PRLR: variants seen among roughly 807,000 people sequenced by gnomAD.
PRLR encodes prolactin receptor.
A neutral mutation model predicts 40.2 loss-of-function variants in PRLR; 13 were observed. The observed-to-expected ratio is 0.32, with a 90% CI of 0.21 to 0.51. The LOEUF (loss-of-function observed/expected upper bound fraction) is 0.51. Among genes scored for constraint, PRLR ranks in the 20% least tolerant of loss-of-function variants. The pLI, the probability that PRLR is intolerant of heterozygous loss-of-function variation, is 0.97. For synonymous variants in PRLR, 269 were observed against 278.7 expected, an observed-to-expected ratio of 0.97 and a Z score of 0.35; for missense variants, 656 against 747.3, an observed-to-expected ratio of 0.88 and a Z score of 1.42.
chr5:35,088,243 G>T (rs1475969130), intron 3 of PRLR, among the ~76,000 whole-genome samples: 1 of 152,180 alleles, frequency 6.6e-6, no homozygotes, highest in Non-Finnish European at 1.5e-5. Flanking sequence ...TGCCAGCCCG[G>T]GTCAGCTCTG....
chr5:35,101,480 G>A (rs1413322661), intron 2 of PRLR, among the ~76,000 whole-genome samples: 2 of 152,122 alleles, frequency 1.3e-5, no homozygotes, highest in African/African-American at 4.8e-5. Flanking sequence ...AGTAGCTGAA[G>A]TGAATAAAAA....
chr5:35,072,879 C>T (rs556350140), intron 5 of PRLR, 135 bp from the exon 6 acceptor site: 24 of 1,025,908 alleles, frequency 2.3e-5, no homozygotes, highest in East Asian at 1.8e-4. Context: ...CCCAAATACC[C>T]GGGCCTTTTG....
At chr5:35,097,420 C>CGAGTTGTCCAAGGTCACACAGCTAGT (rs1266218595) in intron 2 of PRLR, among the ~76,000 whole-genome samples, 2 of 152,068 alleles carry the variant, frequency 1.3e-5, no homozygotes, top group Non-Finnish European at 2.9e-5. Flanking sequence ...AGACGGTCTG[C>CGAGTTGTCCAAGGTCACACAGCTAGT]GAGTTGTCCA....
chr5:35,088,995 C>T (rs1771035042), intron 3 of PRLR, among the ~76,000 whole-genome samples: 1 of 152,166 alleles, frequency 6.6e-6, no homozygotes, highest in African/African-American at 2.4e-5. Context: ...CCCAGAAATG[C>T]ACATGGGTTG....
chr5:35,194,052 G>A (rs967796225), intron 1 of PRLR, among the ~76,000 whole-genome samples: 11 of 152,290 alleles, frequency 7.2e-5, no homozygotes, highest in African/African-American at 2.6e-4. Flanking sequence ...GTGTGTGTCA[G>A]GCAAGCTTGA....
At chr5:35,102,042 G>A (rs1055990847) in intron 2 of PRLR, among the ~76,000 whole-genome samples, 3 of 151,718 alleles carry the variant, frequency 2.0e-5, no homozygotes, top group African/African-American at 4.8e-5. Context: ...GTTGGCCGGG[G>A]TGGTCTCCAT....
At position 35,201,410 on chromosome 5, in the gene PRLR, T is replaced by C. The variant is rs79376621; in HGVS notation, c.-106+28858A>G. Among the ~76,000 whole-genome samples the C allele has an allele frequency of 7.1e-3, 1,075 of 152,338 alleles. 13 individuals are homozygous for C. The highest frequency in any genetic ancestry group is 0.025 in the African/African-American group (1,044 of 41,576). On this transcript the variant is annotated intron_variant, in intron 1 of 9. Transcript: ENST00000618457. The stretch of plus-strand genomic sequence containing the variant: ...AATGATATTTTACCCCTTTGGTAAG[T>C]GTAAAGTAAGAAGACAGCCTTAAGG...
At chr5:35,070,405 C>A in intron 6 of PRLR, 140 bp from the exon 7 acceptor site, 1 of 929,500 alleles carries the variant, frequency 1.1e-6, no homozygotes, top group Non-Finnish European at 1.6e-6. Flanking sequence ...ACTGTCTTAG[C>A]CCTATCTTTT....
At chr5:35,107,635 A>G (rs1306113117) in intron 2 of PRLR, among the ~76,000 whole-genome samples, 3 of 152,244 alleles carry the variant, frequency 2.0e-5, no homozygotes, top group Middle Eastern at 3.2e-3. Flanking sequence ...GAAGAAATGG[A>G]TAAATTCCTG....
intron 1 of PRLR, among the ~76,000 whole-genome samples, chr5:35,144,759 T>C (rs1001034499): frequency 2.6e-5 from 4 of 152,126 alleles, no homozygotes; most frequent in Non-Finnish European, 5.9e-5. Context: ...CCACCGCACC[T>C]GGCCAAATTT....
intron 1 of PRLR, among the ~76,000 whole-genome samples, chr5:35,188,130 A>G (rs1775497455): frequency 6.6e-6 from 1 of 152,178 alleles, no homozygotes; most frequent in Non-Finnish European, 1.5e-5. Flanking sequence ...CAGCTCCGTC[A>G]GGAACTTGCT....
At chr5:35,219,093 AG>A (rs1247589099) in intron 1 of PRLR, among the ~76,000 whole-genome samples, 1 of 152,014 alleles carries the variant, frequency 6.6e-6, no homozygotes, top group Non-Finnish European at 1.5e-5. Flanking sequence ...GCCTTCCTGG[AG>A]GGGGGTTGGA....
At chr5:35,156,135 A>G (rs1241353095) in intron 1 of PRLR, among the ~76,000 whole-genome samples, 1 of 149,868 alleles carries the variant, frequency 6.7e-6, no homozygotes. Flanking sequence ...GATAAAAAAA[A>G]AAAACAAAAA....
intron 1 of PRLR, among the ~76,000 whole-genome samples, chr5:35,166,869 G>A (rs898242475): frequency 1.3e-5 from 2 of 152,070 alleles, no homozygotes; most frequent in East Asian, 1.9e-4. Flanking sequence ...GTAATTATTG[G>A]TATGTCAGCA....
intron 1 of PRLR, among the ~76,000 whole-genome samples, chr5:35,139,008 GA>G (rs963520731): frequency 1.8e-4 from 27 of 152,176 alleles, no homozygotes; most frequent in Non-Finnish European, 2.9e-4. Context: ...AATAAGGAAA[GA>G]AAAAAATACA....
chr5:35,137,549 G>C (rs553012975), intron 1 of PRLR, among the ~76,000 whole-genome samples: 18 of 152,224 alleles, frequency 1.2e-4, no homozygotes, highest in African/African-American at 4.1e-4. Context: ...TCTTCCCATT[G>C]GTTCATATAT....
At chr5:35,111,773 A>G (rs1579674654) in intron 2 of PRLR, among the ~76,000 whole-genome samples, 1 of 152,236 alleles carries the variant, frequency 6.6e-6, no homozygotes, top group South Asian at 2.1e-4. Flanking sequence ...CAGAAAGTAG[A>G]TGTTTTTGAT....
In PRLR at chr5:35,056,897, GAGA is replaced by G. The variant is rs1269416302; in HGVS notation, c.*8189_*8191del. The G allele has an allele frequency of 6.6e-6, 1 of 152,146 alleles. No individual in the cohort carries two copies. The highest frequency in any genetic ancestry group is 1.5e-5 in the Non-Finnish European group (1 of 68,028). 9.4% of individuals were successfully genotyped at this position (152,146 alleles called of 1,614,324 possible). A position where few individuals can be genotyped will look rare whatever the true frequency, so the allele number is the denominator to read the frequency against. ...GGAATTAGAGAATTAAGAGGAGGCA[GAGA>G]AGAACTTGGAAAGCAAAACCACACA... On this transcript the variant is annotated 3_prime_UTR_variant, in exon 10 of 10. Transcript: ENST00000618457.
At position 35,080,969 on chromosome 5, in the gene PRLR, C is replaced by T. The variant is rs139373683; in HGVS notation, c.373+3501G>A. Among the ~76,000 whole-genome samples, 1,073 of 143,928 alleles carry T rather than the reference C, an allele frequency of 7.5e-3. 14 individuals are homozygous for T. Among genetic ancestry groups the T allele is most frequent in the African/African-American group, 0.027 (1,025 of 38,502 alleles). 94.4% of individuals were successfully genotyped at this position (143,928 alleles called of 152,430 possible). On this transcript the variant is annotated intron_variant, in intron 5 of 9. Transcript: ENST00000618457. ...GAAAACCAAACACCGCATGTTCTCACTCACAGGTGGGAATTGAACAATGAG... is the reference window on the plus strand; with the variant it reads ...GAAAACCAAACACCGCATGTTCTCATTCACAGGTGGGAATTGAACAATGAG...
Sources: allele counts gnomAD v4.1 joint callset (sites outside exome capture counted in the v4.1 genomes callset), GRCh38; gene constraint gnomAD v4.1.1; transcripts MANE v1.5; gene names NCBI Gene and HGNC (gene_info 2026-07-23, HGNC 2026-07-21).